The following SLC30A6 variants were observed in gnomAD, a reference collection of about 807,000 sequenced individuals.
SLC30A6 encodes zinc transporter 6.
Under a neutral mutation model 63.0 loss-of-function variants are expected in SLC30A6, and 55 were observed. The ratio of observed to expected loss-of-function variants is 0.87; its 90% CI spans 0.70 to 1.09. The LOEUF (loss-of-function observed/expected upper bound fraction) is 1.09. Ranked by LOEUF, SLC30A6 falls within the 50% of genes least tolerant of loss-of-function variation. SLC30A6 has a pLI of 0.00. For missense variants in SLC30A6, 587 were observed against 549.2 expected, an observed-to-expected ratio of 1.07 and a Z score of -0.69; for synonymous variants, 224 against 186.1, an observed-to-expected ratio of 1.20 and a Z score of -1.66.
intron 7 of SLC30A6, among the ~76,000 whole-genome samples, chr2:32,193,199 C>T (rs1358263763): frequency 1.3e-5 from 2 of 152,050 alleles, no homozygotes; most frequent in Non-Finnish European, 2.9e-5. Context: ...TCATTATTTC[C>T]AGGCCTAGGA....
At chr2:32,190,512 T>C (rs1683234045) in intron 5 of SLC30A6, among the ~76,000 whole-genome samples, 1 of 152,144 alleles carries the variant, frequency 6.6e-6, no homozygotes, top group South Asian at 2.1e-4. Flanking sequence ...TTGGTCCTTT[T>C]GTGTACTTGT....
At chr2:32,174,784 C>A (rs957592189) in intron 3 of SLC30A6, among the ~76,000 whole-genome samples, 1 of 145,264 alleles carries the variant, frequency 6.9e-6, no homozygotes, top group Admixed American at 6.9e-5. Context: ...GATCTCCTGA[C>A]CTTATGATCC....
At position 32,205,345 on chromosome 2, in the gene SLC30A6, C is replaced by T. The variant is rs1308725654; in HGVS notation, c.768+653C>T. Among the ~76,000 whole-genome samples, 7 of 152,080 alleles carry T rather than the reference C, an allele frequency of 4.6e-5. 1 individual carries two copies. In the South Asian group the frequency reaches 6.2e-4, roughly 13 times the overall value. On this transcript the variant is annotated intron_variant, in intron 11 of 13. Coordinates refer to ENST00000282587, the MANE Select transcript of SLC30A6 (RefSeq NM_017964.5). ...CTGAGGCAGGAGAATTGCCTGAACC[C>T]GGGAGGCGGAGGTTGCAGTGAGCTG... is the stretch of plus-strand genomic sequence containing the variant.
At chr2:32,205,744 T>G (rs187126902) in intron 11 of SLC30A6, among the ~76,000 whole-genome samples, 1 of 140,714 alleles carries the variant, frequency 7.1e-6, no homozygotes, top group Non-Finnish European at 1.5e-5. Context: ...CTCAGGTCAC[T>G]GCAACCTTTG....
At chr2:32,186,042 T>C (rs1291098941) in intron 5 of SLC30A6, among the ~76,000 whole-genome samples, 2 of 148,696 alleles carry the variant, frequency 1.3e-5, no homozygotes, top group Non-Finnish European at 3.0e-5. Context: ...TTTTTTCTTT[T>C]GTGTGTGTGT....
At chr2:32,169,656 G>A (rs1681014316) in intron 1 of SLC30A6, among the ~76,000 whole-genome samples, 1 of 152,180 alleles carries the variant, frequency 6.6e-6, no homozygotes, top group African/African-American at 2.4e-5. Context: ...GTGGGTACCT[G>A]TAGTCCCAGC....
In SLC30A6 at chr2:32,174,038, A is replaced by G. The variant is rs769949244; in HGVS notation, c.91-25A>G. On this transcript the variant is annotated intron_variant, in intron 2 of 13. Transcript: ENST00000282587. Reference sequence around the variant, plus strand: ...CGTGAAATTTATCACTTCTGTACACATAAGAGTGATTTTTATTTTCACAGT... The same window carrying G: ...CGTGAAATTTATCACTTCTGTACACGTAAGAGTGATTTTTATTTTCACAGT... 51 of 1,583,234 alleles carry G rather than the reference A, an allele frequency of 3.2e-5. No homozygotes were observed. In the Admixed American group the frequency reaches 7.9e-4, roughly 25 times the overall value.
chr2:32,201,569 T>C (rs1253689676), intron 10 of SLC30A6: 22 of 1,301,940 alleles, frequency 1.7e-5, no homozygotes, highest in Non-Finnish European at 2.2e-5. Flanking sequence ...TTGTGGCCAC[T>C]GTGCCCGGAG....
chr2:32,220,792 G>T lies in SLC30A6; in HGVS notation c.*79G>T. On this transcript the variant is annotated 3_prime_UTR_variant, in exon 14 of 14. Transcript: ENST00000282587. ...TTAGTAATCCAACTTTGCATTGACT[G>T]TTTAATCATTTACTCTAAATGTTAG... The T allele has an allele frequency of 7.9e-7, 1 of 1,260,618 alleles. No individual in the cohort carries two copies. The highest frequency in any genetic ancestry group is 1.1e-6 in the Non-Finnish European group (1 of 907,800). 78.1% of individuals were successfully genotyped at this position (1,260,618 alleles called of 1,614,324 possible).
chr2:32,175,360 A>C lies in SLC30A6; in HGVS notation c.217A>C (p.Ser73Arg). Residue 73 changes from serine (S) to arginine (R), a missense_variant and splice_region_variant, in exon 4 of 14, where the codon AGT (serine) becomes CGT (arginine). By Grantham distance (110) the Ser-to-Arg change is moderately radical (BLOSUM62 -1). Transcript: ENST00000282587. ...YTYLTIFDLF[S>R]LMTCLISYWV... ...TTACCTGACCATTTTTGATCTTTTTAGGTAAGTTTTTAGGAAATCTTAATG... is the reference window on the plus strand; with the variant it reads ...TTACCTGACCATTTTTGATCTTTTTCGGTAAGTTTTTAGGAAATCTTAATG... 6.2e-7 allele frequency: 1 copy of C among 1,610,828 alleles called. No homozygotes were observed. Among genetic ancestry groups the C allele is most frequent in the Non-Finnish European group, 8.5e-7 (1 of 1,179,102 alleles).
chr2:32,218,660 G>C (rs568577712), intron 13 of SLC30A6, among the ~76,000 whole-genome samples: 9 of 152,110 alleles, frequency 5.9e-5, no homozygotes, highest in Non-Finnish European at 1.0e-4. Flanking sequence ...GGATTCAAGT[G>C]ATTTTCCTGC....
At chr2:32,185,037 G>A (rs148687245) in intron 5 of SLC30A6, among the ~76,000 whole-genome samples, 13 of 152,256 alleles carry the variant, frequency 8.5e-5, no homozygotes, top group African/African-American at 2.4e-4. Flanking sequence ...CTGGATTTGT[G>A]ATAGCAATAG....
chr2:32,202,838 A>G lies in SLC30A6; in HGVS notation c.666-1752A>G. The G allele has an allele frequency of 8.4e-6, 7 of 834,962 alleles. No individual in the cohort carries two copies. In the East Asian group the frequency reaches 1.7e-4, roughly 20 times the overall value. The allele number at this position is 834,962 out of a possible 1,614,324, so 51.7% of individuals were successfully genotyped here. On this transcript the variant is annotated intron_variant, in intron 10 of 13. Transcript: ENST00000282587. ...AAAAATGAGTGAAATCCAGATACGA[A>G]CAGATTGATGTTTTTGGAAAAATGA...
At chr2:32,201,933 T>C in intron 10 of SLC30A6, 1 of 1,475,304 alleles carries the variant, frequency 6.8e-7, no homozygotes, top group South Asian at 1.2e-5. Context: ...ATGGAGACAC[T>C]GAAGAAGGAT....
Position 32,209,505 on chromosome 2 carries a change from G to C in SLC30A6, c.829G>C (p.Asp277His), listed in dbSNP as rs770195547. 1.2e-6 allele frequency: 2 copies of C among 1,612,524 alleles called. No homozygotes were observed. Among genetic ancestry groups the C allele is most frequent in the South Asian group, 2.2e-5 (2 of 90,650 alleles). ...CTGTTTTTGGTAGGTATCTACCTTA[G>C]ATGGAGTTTTAGAAGTCCGAAATGA... ...DKLIREVSTL[D>H]GVLEVRNEHF... Residue 277 changes from aspartate (D) to histidine (H), a missense_variant, in exon 13 of 14, where the codon GAT becomes CAT. Transcript: ENST00000282587.
In SLC30A6 at chr2:32,222,645, A is replaced by G. The variant is rs1686202022; in HGVS notation, c.*1932A>G. The G allele has an allele frequency of 6.6e-6, 1 of 152,202 alleles. No individual in the cohort carries two copies. 9.4% of individuals were successfully genotyped at this position (152,202 alleles called of 1,614,324 possible). On this transcript the variant is annotated 3_prime_UTR_variant, in exon 14 of 14. Coordinates refer to ENST00000282587, the MANE Select transcript of SLC30A6 (RefSeq NM_017964.5). ...GACCTGCTAAAGAAATACAGCCTAC[A>G]CTACCTTGACTACTGGGGAAAATGA...
chr2:32,205,238 G>A (rs961296926), intron 11 of SLC30A6, among the ~76,000 whole-genome samples: 18 of 152,138 alleles, frequency 1.2e-4, no homozygotes, highest in African/African-American at 4.3e-4. Flanking sequence ...GGCCAACATG[G>A]TGAAACCCTG....
chr2:32,168,710 A>C (rs1680904991), intron 1 of SLC30A6, among the ~76,000 whole-genome samples: 1 of 152,186 alleles, frequency 6.6e-6, no homozygotes, highest in South Asian at 2.1e-4. Context: ...GGTTAGACAG[A>C]TCTGGCCTTT....
At chr2:32,167,527 C>T (rs1680792922) in intron 1 of SLC30A6, among the ~76,000 whole-genome samples, 1 of 151,764 alleles carries the variant, frequency 6.6e-6, no homozygotes, top group Non-Finnish European at 1.5e-5. Context: ...GTTCTCTGTT[C>T]TCTATCGGCT....
Sources: allele counts gnomAD v4.1 joint callset (sites outside exome capture counted in the v4.1 genomes callset), GRCh38; gene constraint gnomAD v4.1.1; transcripts MANE v1.5; gene names NCBI Gene and HGNC (gene_info 2026-07-23, HGNC 2026-07-21).